HAT1: variants seen among roughly 807,000 people sequenced by gnomAD.
HAT1 encodes histone acetyltransferase type B catalytic subunit.
In HAT1, 20 loss-of-function variants were observed where a neutral mutation model predicts 56.6. The observed-to-expected ratio is 0.35, with a 90% CI of 0.25 to 0.51. The LOEUF (loss-of-function observed/expected upper bound fraction) is 0.51. Ranked by LOEUF, HAT1 falls within the 20% of genes least tolerant of loss-of-function variation. The probability of loss-of-function intolerance (pLI) is 0.95; values close to 1 mark genes in which losing one functional copy is unlikely to be tolerated. For missense variants in HAT1, 408 were observed against 504.3 expected (o/e 0.81, Z 1.83); for synonymous variants, 146 against 165.5 (o/e 0.88, Z 0.91).
chr2:171,946,929 T>A (rs1331645518), intron 3 of HAT1, 146 bp downstream of exon 3: 5 of 547,100 alleles, frequency 9.1e-6, no homozygotes, highest in Non-Finnish European at 1.6e-5. Context: ...GGTGTTTTTT[T>A]ACATTGAGAC....
In HAT1 at chr2:171,935,324, G is replaced by C. The variant is rs1218485506; in HGVS notation, c.112+9683G>C. ...GAGGTCAGGAGTTCGAGACCAGCCT[G>C]GCCAACATGGTGAAACCCCGTCTCT... is the stretch of plus-strand genomic sequence containing the variant. On this transcript the variant is annotated intron_variant, in intron 2 of 10. Transcript: ENST00000264108. Among the ~76,000 whole-genome samples, 6 of 150,492 alleles carry C rather than the reference G, an allele frequency of 4.0e-5. No homozygotes were observed. The South Asian group carries it at 1.1e-3, about 26-fold the overall frequency.
intron 2 of HAT1, among the ~76,000 whole-genome samples, chr2:171,945,176 A>T (rs550227341): frequency 6.6e-6 from 1 of 151,558 alleles, no homozygotes; most frequent in South Asian, 2.1e-4. Context: ...CAGCCCTCCA[A>T]TTTTTCTTTA....
At chr2:171,959,000 T>A (rs146836300) in intron 4 of HAT1, among the ~76,000 whole-genome samples, 50 of 152,354 alleles carry the variant, frequency 3.3e-4, no homozygotes, top group African/African-American at 1.0e-3. Context: ...TTGTGTGTTT[T>A]TCCCCACTTC....
intron 4 of HAT1, among the ~76,000 whole-genome samples, chr2:171,955,142 C>T (rs1050852587): frequency 1.3e-5 from 2 of 152,164 alleles, no homozygotes; most frequent in South Asian, 4.1e-4. Flanking sequence ...TTTATTATAG[C>T]AGCCACAGGA....
chr2:171,922,763 AGG>A (rs1259269083), intron 1 of HAT1: 1 of 394,156 alleles, frequency 2.5e-6, no homozygotes, highest in African/African-American at 2.1e-5. Flanking sequence ...CGAAGACGCC[AGG>A]GAAAAGCGTC....
intron 2 of HAT1, among the ~76,000 whole-genome samples, chr2:171,932,006 C>T (rs1028181886): frequency 4.6e-5 from 7 of 152,166 alleles, no homozygotes; most frequent in African/African-American, 1.7e-4. Flanking sequence ...CCTTCTATTC[C>T]TAGTTTGGTG....
At chr2:171,949,925 T>C (rs1687262311) in intron 3 of HAT1, among the ~76,000 whole-genome samples, 1 of 152,206 alleles carries the variant, frequency 6.6e-6, no homozygotes, top group African/African-American at 2.4e-5. Flanking sequence ...CTTTCTGATA[T>C]GTCCTTATAA....
rs200949619 is a variant in HAT1 at position 171,922,469 on chromosome 2, C to T, written c.-32C>T. On this transcript the variant is annotated 5_prime_UTR_variant, in exon 1 of 11. Transcript: ENST00000264108. ...CCGGGAGCGCGCGGGTTGATTCGTCCTTCCTCAGCCGCGGGTGATCGTAGC... is the reference window on the plus strand; with the variant it reads ...CCGGGAGCGCGCGGGTTGATTCGTCTTTCCTCAGCCGCGGGTGATCGTAGC... The T allele has an allele frequency of 1.1e-5, 14 of 1,318,164 alleles. No individual in the cohort carries two copies. The South Asian group carries it at 1.8e-4, about 17-fold the overall frequency. The allele number at this position is 1,318,164 out of a possible 1,614,324, so 81.7% of individuals were successfully genotyped here. A position where few individuals can be genotyped will look rare whatever the true frequency, so the allele number is the denominator to read the frequency against.
chr2:171,943,875 A>T (rs1320326925), intron 2 of HAT1, among the ~76,000 whole-genome samples: 2 of 151,884 alleles, frequency 1.3e-5, no homozygotes, highest in Non-Finnish European at 2.9e-5. Flanking sequence ...TAGTCCAGGC[A>T]TGGTGGCTCA....
At chr2:171,973,117 C>G (rs1269241342) in intron 8 of HAT1, among the ~76,000 whole-genome samples, 1 of 152,096 alleles carries the variant, frequency 6.6e-6, no homozygotes, top group African/African-American at 2.4e-5. Context: ...CTTGCAGCCT[C>G]CATTCTCCAC....
At chr2:171,957,310 C>T (rs1021160686) in intron 4 of HAT1, among the ~76,000 whole-genome samples, 1 of 152,192 alleles carries the variant, frequency 6.6e-6, no homozygotes, top group African/African-American at 2.4e-5. Context: ...GGCCTTGAAA[C>T]CTAATGGAGT....
intron 4 of HAT1, among the ~76,000 whole-genome samples, chr2:171,953,940 A>G (rs1687376629): frequency 6.6e-6 from 1 of 152,204 alleles, no homozygotes; most frequent in African/African-American, 2.4e-5. Flanking sequence ...GGTTGCAGTG[A>G]GTTGAGATCG....
chr2:171,963,673 ACTT>A (rs1687625392), intron 4 of HAT1, among the ~76,000 whole-genome samples: 1 of 152,152 alleles, frequency 6.6e-6, no homozygotes, highest in Non-Finnish European at 1.5e-5. Context: ...ACTCATCACT[ACTT>A]TGGATTTTAA....
At chr2:171,947,661 C>T (rs1687202639) in intron 3 of HAT1, among the ~76,000 whole-genome samples, 1 of 152,178 alleles carries the variant, frequency 6.6e-6, no homozygotes, top group Non-Finnish European at 1.5e-5. Context: ...GGCAGATTGC[C>T]TGAGGTCAGG....
At chr2:171,979,506 T>G in intron 10 of HAT1, 143 bp downstream of exon 10, 1 of 576,494 alleles carries the variant, frequency 1.7e-6, no homozygotes, top group Non-Finnish European at 3.1e-6. Context: ...TTCCAGTAAT[T>G]TATAAAAATT....
At chr2:171,955,515 G>A (rs907099860) in intron 4 of HAT1, among the ~76,000 whole-genome samples, 1 of 151,994 alleles carries the variant, frequency 6.6e-6, no homozygotes, top group Admixed American at 6.6e-5. Flanking sequence ...GGGGGCTGAG[G>A]CAGGAGAATC....
At chr2:171,957,247 G>T (rs1260966701) in intron 4 of HAT1, among the ~76,000 whole-genome samples, 1 of 152,216 alleles carries the variant, frequency 6.6e-6, no homozygotes, top group East Asian at 1.9e-4. Context: ...GAATGACTCT[G>T]AGGGCAAAGC....
chr2:171,944,773 C>CT (rs1327747310), intron 2 of HAT1, among the ~76,000 whole-genome samples: 2 of 152,110 alleles, frequency 1.3e-5, no homozygotes, highest in African/African-American at 2.4e-5. Flanking sequence ...GAAAATATAC[C>CT]TTTTCTTCTG....
intron 4 of HAT1, among the ~76,000 whole-genome samples, chr2:171,964,125 A>C (rs1355754083): frequency 6.6e-6 from 1 of 152,152 alleles, no homozygotes; most frequent in Non-Finnish European, 1.5e-5. Flanking sequence ...CATTGCTTCT[A>C]CTTAGTTAAA....
Sources: allele counts gnomAD v4.1 joint callset (sites outside exome capture counted in the v4.1 genomes callset), GRCh38; gene constraint gnomAD v4.1.1; transcripts MANE v1.5; gene names NCBI Gene and HGNC (gene_info 2026-07-23, HGNC 2026-07-21).